Variants in MAGI2 observed in about 807,000 individuals in gnomAD.
The protein encoded by MAGI2 is membrane associated guanylate kinase, WW and PDZ domain containing 2, also known as membrane-associated guanylate kinase, WW and PDZ domain-containing protein 2.
A neutral mutation model predicts 133.3 loss-of-function variants in MAGI2; 35 were observed. The ratio of observed to expected loss-of-function variants is 0.26; its 90% CI spans 0.20 to 0.35. The LOEUF (loss-of-function observed/expected upper bound fraction) is 0.35, where lower values mean the gene tolerates loss of function less well. MAGI2 is among the 10% of genes least tolerant of loss of function. The pLI, the probability that MAGI2 is intolerant of heterozygous loss-of-function variation, is 1.00. For missense variants in MAGI2, 1,636 were observed against 1,863.4 expected, an observed-to-expected ratio of 0.88 and a Z score of 2.25; for synonymous variants, 729 against 710.6, an observed-to-expected ratio of 1.03 and a Z score of -0.41.
At chr7:78,177,416 GCGCA>G (rs768200500) in intron 14 of MAGI2, among the ~76,000 whole-genome samples, 39 of 73,732 alleles carry the variant, frequency 5.3e-4, no homozygotes, top group Non-Finnish European at 9.4e-4. Context: ...CTGTGAATAC[GCGCA>G]CACACACACA....
chr7:78,468,066 T>G (rs895341987), intron 6 of MAGI2, among the ~76,000 whole-genome samples: 1 of 152,132 alleles, frequency 6.6e-6, no homozygotes, highest in Admixed American at 6.6e-5. Flanking sequence ...TCAAACAACC[T>G]AGAAAAACAA....
chr7:78,535,064 G>A (rs745347084), intron 3 of MAGI2, among the ~76,000 whole-genome samples: 3 of 152,040 alleles, frequency 2.0e-5, no homozygotes, highest in East Asian at 1.9e-4. Flanking sequence ...CCCAGGAGGC[G>A]GAGGTTGCAG....
At chr7:78,357,404 G>A (rs935968288) in intron 7 of MAGI2, among the ~76,000 whole-genome samples, 1 of 152,138 alleles carries the variant, frequency 6.6e-6, no homozygotes, top group African/African-American at 2.4e-5. Flanking sequence ...CCCCCTTGGA[G>A]ATAAAATTTA....
chr7:78,599,547 A>G (rs1205933501), intron 3 of MAGI2, among the ~76,000 whole-genome samples: 1 of 152,186 alleles, frequency 6.6e-6, no homozygotes, highest in Non-Finnish European at 1.5e-5. Flanking sequence ...AATTTTTTGA[A>G]AGCCAGAAAT....
At chr7:78,859,954 C>T (rs1304251274) in intron 2 of MAGI2, among the ~76,000 whole-genome samples, 3 of 152,064 alleles carry the variant, frequency 2.0e-5, no homozygotes, top group African/African-American at 7.2e-5. Context: ...ACTCTTTTTT[C>T]TCTAAACTTC....
intron 2 of MAGI2, among the ~76,000 whole-genome samples, chr7:78,895,599 CA>C (rs1797151161): frequency 2.0e-5 from 3 of 152,008 alleles, no homozygotes; most frequent in African/African-American, 7.2e-5. Flanking sequence ...TCTCGTGATG[CA>C]TTTGACAGTT....
chr7:78,119,222 A>G lies in MAGI2; in HGVS notation c.3567+6472T>C, dbSNP rs868050155. On this transcript the variant is annotated intron_variant, in intron 20 of 21. Coordinates refer to ENST00000354212, the MANE Select transcript of MAGI2 (RefSeq NM_012301.4). The stretch of plus-strand genomic sequence containing the variant: ...CAGTAAAAATACTCTTTATGATACT[A>G]TAATGTGGATACATGCCATTATACA... 2.6e-5 allele frequency among the ~76,000 whole-genome samples: 4 copies of G among 152,314 alleles called. No homozygotes were observed. In the South Asian group the frequency reaches 8.3e-4, roughly 32 times the overall value.
At chr7:79,285,821 A>G (rs1234221909) in intron 1 of MAGI2, among the ~76,000 whole-genome samples, 3 of 152,132 alleles carry the variant, frequency 2.0e-5, no homozygotes, top group African/African-American at 7.2e-5. Flanking sequence ...TCTTTAAAGT[A>G]TTCAACCTGG....
intron 16 of MAGI2, among the ~76,000 whole-genome samples, chr7:78,154,793 C>T (rs1584174612): frequency 1.3e-5 from 2 of 152,160 alleles, no homozygotes; most frequent in East Asian, 3.9e-4. Flanking sequence ...GTAGGAAGCA[C>T]CTATAAGGAC....
At chr7:78,426,905 A>G (rs1554405092) in intron 6 of MAGI2, among the ~76,000 whole-genome samples, 1 of 152,210 alleles carries the variant, frequency 6.6e-6, no homozygotes, top group Non-Finnish European at 1.5e-5. Context: ...ACGTACAAAT[A>G]AAAACAGACA....
chr7:79,018,102 C>T (rs1420716625), intron 1 of MAGI2, among the ~76,000 whole-genome samples: 1 of 151,892 alleles, frequency 6.6e-6, no homozygotes, highest in Non-Finnish European at 1.5e-5. Context: ...CAAAATACTA[C>T]ACAAGATTCT....
intron 1 of MAGI2, among the ~76,000 whole-genome samples, chr7:79,136,003 G>GAAAA (rs749343638): frequency 2.7e-4 from 11 of 40,924 alleles, no homozygotes; most frequent in South Asian, 1.6e-3. Flanking sequence ...AAGAAAGAAA[G>GAAAA]AGAAAGAAAG....
At chr7:78,191,022 A>G (rs898543982) in intron 12 of MAGI2, among the ~76,000 whole-genome samples, 3 of 152,308 alleles carry the variant, frequency 2.0e-5, no homozygotes, top group South Asian at 4.1e-4. Flanking sequence ...TTGTCTAAAA[A>G]TCTTTGGTAG....
intron 2 of MAGI2, among the ~76,000 whole-genome samples, chr7:78,912,395 T>C (rs1441292758): frequency 6.6e-6 from 1 of 152,116 alleles, no homozygotes; most frequent in Non-Finnish European, 1.5e-5. Flanking sequence ...AAAGTATTGA[T>C]CCTGGATGTG....
rs547909315 is a variant in MAGI2 at position 79,250,682 on chromosome 7, C to T, written c.301+202338G>A. On this transcript the variant is annotated intron_variant, in intron 1 of 21. Coordinates refer to ENST00000354212, the MANE Select transcript of MAGI2 (RefSeq NM_012301.4). Reference sequence around the variant, plus strand: ...TTGTTAAAATGTTCAAGACAATCTACAGATTTAATGCAATCTCTATCAAAA... The same window carrying T: ...TTGTTAAAATGTTCAAGACAATCTATAGATTTAATGCAATCTCTATCAAAA... Among the ~76,000 whole-genome samples the T allele has an allele frequency of 4.6e-5, 7 of 152,150 alleles. 1 individual carries two copies. Among genetic ancestry groups the T allele is most frequent in the African/African-American group, 1.4e-4 (6 of 41,518 alleles).
intron 15 of MAGI2, among the ~76,000 whole-genome samples, chr7:78,162,446 A>T (rs1197121239): frequency 2.0e-5 from 3 of 148,442 alleles, no homozygotes; most frequent in Non-Finnish European, 4.4e-5. Context: ...AATTGCGTGA[A>T]CCCGGGAGGC....
At chr7:79,063,931 T>C (rs773076881) in intron 1 of MAGI2, among the ~76,000 whole-genome samples, 6 of 152,108 alleles carry the variant, frequency 3.9e-5, no homozygotes, top group Admixed American at 2.6e-4. Flanking sequence ...ATTTTAAATC[T>C]AGCTTAATTT....
At chr7:79,314,918 G>A (rs948359757) in intron 1 of MAGI2, among the ~76,000 whole-genome samples, 1 of 152,114 alleles carries the variant, frequency 6.6e-6, no homozygotes, top group South Asian at 2.1e-4. Context: ...GAAATGAAAT[G>A]TACATGAACA....
At chr7:78,329,485 A>C (rs798312) in intron 9 of MAGI2, among the ~76,000 whole-genome samples, 130,852 of 152,214 alleles carry the variant, frequency 0.86, 56,511 homozygotes, top group African/African-American at 0.92. Context: ...ATGTGCATAT[A>C]TATACAATTG....
Sources: gnomAD v4.1 joint callset for allele counts (sites outside exome capture counted in the v4.1 genomes callset) on GRCh38, gnomAD v4.1.1 for gene constraint, MANE v1.5 for transcripts, NCBI Gene and HGNC (gene_info 2026-07-23, HGNC 2026-07-21) for gene names.